The following KLHL13 variants were observed in gnomAD, a reference collection of about 807,000 sequenced individuals.
KLHL13 encodes the protein kelch-like protein 13.
KLHL13 carries 10 observed loss-of-function variants against 37.1 expected under a neutral mutation model. That is an observed-to-expected ratio of 0.27 (90% CI 0.17 to 0.46). The LOEUF (loss-of-function observed/expected upper bound fraction) is 0.46. Ranked by LOEUF, KLHL13 falls within the 20% of genes least tolerant of loss-of-function variation. KLHL13 has a pLI of 1.00. For synonymous variants in KLHL13, 163 were observed against 181.2 expected (o/e 0.90, Z 0.81); for missense variants, 360 against 509.3 (o/e 0.71, Z 2.82).
chrX:118,045,665 T>A (rs2054552592), intron 1 of KLHL13, among the ~76,000 whole-genome samples: 1 of 110,110 alleles, frequency 9.1e-6, no homozygotes, highest in Non-Finnish European at 1.9e-5. Context: ...AAAAAGTAGA[T>A]GGGCGTGGTG....
At chrX:118,031,544 T>TTA (rs753781130) in intron 1 of KLHL13, among the ~76,000 whole-genome samples, 1 of 91,038 alleles carries the variant, frequency 1.1e-5, no homozygotes, top group Non-Finnish European at 2.1e-5. Context: ...TATATATTAG[T>TTA]TATATATATA....
At position 117,902,517 on chromosome X, in the gene KLHL13, C is replaced by T. The variant is rs777349191; in HGVS notation, c.1367-571G>A. Among the ~76,000 whole-genome samples the T allele has an allele frequency of 2.7e-5, 3 of 111,810 alleles. No homozygotes were observed. The South Asian group carries it at 1.1e-3, about 42-fold the overall frequency. ...AAAGCTAATAGTTCGTATATACCCA[C>T]CATCATTGCAGCCAGTACTACTCTT... On this transcript the variant is annotated intron_variant, in intron 5 of 6. Transcript: ENST00000262820.
chrX:118,084,123 C>T (rs1045469804), intron 1 of KLHL13, among the ~76,000 whole-genome samples: 7 of 107,541 alleles, frequency 6.5e-5, no homozygotes, highest in African/African-American at 1.7e-4. Flanking sequence ...AGTTTGAGAT[C>T]AGCCTGAGCA....
intron 1 of KLHL13, among the ~76,000 whole-genome samples, chrX:117,965,591 G>A (rs1293861491): frequency 5.4e-5 from 6 of 110,902 alleles, no homozygotes; most frequent in African/African-American, 2.0e-4. Context: ...GTCCGGCAGA[G>A]ACACAACAGA....
At chrX:118,025,236 T>C (rs1251015969) in intron 1 of KLHL13, among the ~76,000 whole-genome samples, 3 of 111,891 alleles carry the variant, frequency 2.7e-5, no homozygotes, top group Non-Finnish European at 5.6e-5. Context: ...CAGTAGTCCC[T>C]GCTTATGCAT....
rs181356328 is a variant in KLHL13 at position 117,994,360 on chromosome X, C to A, written c.-55-48785G>T. On this transcript the variant is annotated intron_variant, in intron 1 of 6. Coordinates refer to the KLHL13 transcript ENST00000371882. ...CCTCGAACTCCTGGGCTCAAGTGAT[C>A]CTCCCACCTTAGTCTTCTGAGTAGC... is the stretch of plus-strand genomic sequence containing the variant. Among the ~76,000 whole-genome samples the A allele has an allele frequency of 9.1e-5, 10 of 110,290 alleles. No homozygotes were observed. In the East Asian group the frequency reaches 2.9e-3, roughly 32 times the overall value.
At chrX:117,973,125 C>T in exon 1 of KLHL13, 7 of 970,309 alleles carry the variant, frequency 7.2e-6, no homozygotes, top group Non-Finnish European at 9.1e-6. Flanking sequence ...GCATACCATA[C>T]AATGCAGCTT....
intron 1 of KLHL13, among the ~76,000 whole-genome samples, chrX:118,030,443 A>C (rs1235198793): frequency 8.9e-6 from 1 of 112,089 alleles, no homozygotes; most frequent in African/African-American, 3.2e-5. Flanking sequence ...GTAAAACTAA[A>C]TAACTCATGC....
chrX:118,044,832 G>A (rs2054540895), intron 1 of KLHL13, among the ~76,000 whole-genome samples: 1 of 112,044 alleles, frequency 8.9e-6, no homozygotes, highest in South Asian at 3.7e-4. Flanking sequence ...TCTAGGCAAA[G>A]ATTTCTTGAG....
Position 117,968,206 on chromosome X carries a change from G to A in KLHL13, c.98+4525C>T, listed in dbSNP as rs749843391. Reference sequence around the variant, plus strand: ...AGCTCTATAAGGCTGCATTGGGAACGGGAGAGAAAAGATACAAGGAACTGA... The same window carrying A: ...AGCTCTATAAGGCTGCATTGGGAACAGGAGAGAAAAGATACAAGGAACTGA... On this transcript the variant is annotated intron_variant, in intron 1 of 6. Coordinates refer to ENST00000262820, the Ensembl canonical transcript of KLHL13. Among the ~76,000 whole-genome samples the A allele has an allele frequency of 1.9e-3, 216 of 111,395 alleles. 1 individual carries two copies. The highest frequency in any genetic ancestry group is 6.6e-3 in the African/African-American group (202 of 30,720).
At chrX:118,076,569 C>T (rs1468724250) in intron 1 of KLHL13, among the ~76,000 whole-genome samples, 1 of 111,424 alleles carries the variant, frequency 9.0e-6, no homozygotes, top group African/African-American at 3.3e-5. Context: ...AAAAAGGTCT[C>T]ATGGTTAATT....
chrX:118,064,023 T>C (rs1343997252), intron 1 of KLHL13, among the ~76,000 whole-genome samples: 1 of 111,779 alleles, frequency 8.9e-6, no homozygotes, highest in African/African-American at 3.2e-5. Flanking sequence ...ATTTTAATTG[T>C]ATTGGACAAG....
At chrX:118,023,450 T>C (rs1434462176) in intron 1 of KLHL13, among the ~76,000 whole-genome samples, 2 of 112,129 alleles carry the variant, frequency 1.8e-5, no homozygotes, top group Admixed American at 1.9e-4. Context: ...CAAACACCTT[T>C]GGATTTTAAC....
At chrX:118,045,020 C>A (rs1443209042) in intron 1 of KLHL13, among the ~76,000 whole-genome samples, 1 of 111,667 alleles carries the variant, frequency 9.0e-6, no homozygotes, top group East Asian at 2.8e-4. Flanking sequence ...TGATTAATAA[C>A]CAAAATATGT....
At chrX:118,055,998 T>C (rs2054681349) in intron 1 of KLHL13, among the ~76,000 whole-genome samples, 2 of 111,230 alleles carry the variant, frequency 1.8e-5, no homozygotes, top group Non-Finnish European at 3.8e-5. Flanking sequence ...GGCACCCATA[T>C]TGGAAAGGAG....
intron 1 of KLHL13, among the ~76,000 whole-genome samples, chrX:118,074,468 G>A (rs2054907563): frequency 9.0e-6 from 1 of 111,503 alleles, no homozygotes; most frequent in Non-Finnish European, 1.9e-5. Flanking sequence ...GCCAGGCCAG[G>A]AAATTTTCCA....
chrX:118,070,174 C>A (rs1277987303), intron 1 of KLHL13, among the ~76,000 whole-genome samples: 2 of 111,899 alleles, frequency 1.8e-5, no homozygotes, highest in African/African-American at 6.5e-5. Context: ...CACACAATGA[C>A]AAAATTGCCT....
upstream of KLHL13, among the ~76,000 whole-genome samples, chrX:117,977,401 A>G (rs1273279999): frequency 9.0e-6 from 1 of 111,688 alleles, no homozygotes; most frequent in Non-Finnish European, 1.9e-5. Context: ...ATAATTTTAT[A>G]GTAAAACTTA....
chrX:117,989,669 A>G (rs972832006), intron 1 of KLHL13, among the ~76,000 whole-genome samples: 2 of 110,945 alleles, frequency 1.8e-5, no homozygotes, highest in African/African-American at 6.6e-5. Context: ...CTTGGCATAC[A>G]TTTCAAATAT....
Sources: gnomAD v4.1 joint callset for allele counts (sites outside exome capture counted in the v4.1 genomes callset) on GRCh38, gnomAD v4.1.1 for gene constraint, MANE v1.5 for transcripts, NCBI Gene and HGNC (gene_info 2026-07-23, HGNC 2026-07-21) for gene names.